The following SGMS1 variants were observed in gnomAD, a reference collection of about 807,000 sequenced individuals.
SGMS1 encodes the protein sphingomyelin synthase 1.
In SGMS1, 13 loss-of-function variants were observed where a neutral mutation model predicts 46.2. That is an observed-to-expected ratio of 0.28 (90% CI 0.18 to 0.45). The LOEUF is 0.45. Ranked by LOEUF, SGMS1 falls within the 20% of genes least tolerant of loss-of-function variation. SGMS1 has a pLI of 1.00. For synonymous variants in SGMS1, 203 were observed against 187.8 expected (o/e 1.08, Z -0.66); for missense variants, 324 against 519.9 (o/e 0.62, Z 3.66).
intron 2 of SGMS1, among the ~76,000 whole-genome samples, chr10:50,559,270 C>A (rs963357310): frequency 2.0e-5 from 3 of 152,206 alleles, no homozygotes; most frequent in African/African-American, 7.2e-5. Context: ...TAAGCAACAT[C>A]AGTATCCAAA....
chr10:50,440,239 C>T (rs1202735711), intron 5 of SGMS1, among the ~76,000 whole-genome samples: 1 of 151,554 alleles, frequency 6.6e-6, no homozygotes, highest in Non-Finnish European at 1.5e-5. Context: ...CTCCAGAACT[C>T]CTGTTACAGA....
At chr10:50,361,867 T>C (rs1288070456) in intron 6 of SGMS1, among the ~76,000 whole-genome samples, 1 of 152,200 alleles carries the variant, frequency 6.6e-6, no homozygotes, top group African/African-American at 2.4e-5. Flanking sequence ...ACACGGCCTA[T>C]TTATTTACCT....
At chr10:50,352,631 C>G (rs991075424) in intron 6 of SGMS1, among the ~76,000 whole-genome samples, 1 of 152,174 alleles carries the variant, frequency 6.6e-6, no homozygotes. Flanking sequence ...AAATCTCATA[C>G]ATAGCAAAGA....
At chr10:50,568,373 A>G (rs1838308305) in intron 2 of SGMS1, among the ~76,000 whole-genome samples, 1 of 152,176 alleles carries the variant, frequency 6.6e-6, no homozygotes. Flanking sequence ...GAAAGAACAA[A>G]ACAACATTAT....
intron 7 of SGMS1, 81 bp downstream of exon 7, chr10:50,343,411 A>C (rs1007761699): frequency 7.1e-7 from 1 of 1,416,806 alleles, no homozygotes; most frequent in African/African-American, 1.4e-5. Context: ...CAAGTTGATA[A>C]ATTTCATTTA....
chr10:50,556,642 G>A (rs1489364659), intron 2 of SGMS1, among the ~76,000 whole-genome samples: 1 of 152,206 alleles, frequency 6.6e-6, no homozygotes, highest in African/African-American at 2.4e-5. Context: ...GGCCCGCACA[G>A]ACGCAGCAAC....
chr10:50,533,715 A>G lies in SGMS1; in HGVS notation c.-588-13794T>C, dbSNP rs150549766. Among the ~76,000 whole-genome samples the G allele has an allele frequency of 4.4e-3, 668 of 152,232 alleles. 1 individual carries two copies. Among genetic ancestry groups the G allele is most frequent in the Non-Finnish European group, 7.8e-3 (531 of 68,008 alleles). The stretch of plus-strand genomic sequence containing the variant: ...TAATAATTTATTATTATGAAAGAGA[A>G]CATATATAAATCTATAAGGAAAACA... On this transcript the variant is annotated intron_variant, in intron 2 of 10. Transcript: ENST00000361781.
At chr10:50,384,828 G>C (rs1377445641) in intron 6 of SGMS1, among the ~76,000 whole-genome samples, 2 of 152,082 alleles carry the variant, frequency 1.3e-5, no homozygotes, top group African/African-American at 4.8e-5. Flanking sequence ...CCTTCACCCA[G>C]AGTCCTTTAT....
chr10:50,614,783 A>C (rs1838781654), intron 1 of SGMS1, among the ~76,000 whole-genome samples: 1 of 152,246 alleles, frequency 6.6e-6, no homozygotes, highest in Non-Finnish European at 1.5e-5. Flanking sequence ...AACAGTACCT[A>C]CTTCTGTTAT....
chr10:50,576,081 T>C (rs186035228), intron 2 of SGMS1, among the ~76,000 whole-genome samples: 1 of 152,042 alleles, frequency 6.6e-6, no homozygotes, highest in Admixed American at 6.5e-5. Context: ...CTACAGACAC[T>C]TTCCCAGCAA....
intron 6 of SGMS1, among the ~76,000 whole-genome samples, chr10:50,365,565 T>G (rs1418156137): frequency 1.1e-4 from 16 of 152,146 alleles, no homozygotes; most frequent in Non-Finnish European, 2.9e-5. Flanking sequence ...TTATTTGTCC[T>G]AATGCTCTCT....
chr10:50,398,587 G>T (rs1032867872), intron 6 of SGMS1, among the ~76,000 whole-genome samples: 2 of 152,074 alleles, frequency 1.3e-5, no homozygotes, highest in African/African-American at 4.8e-5. Flanking sequence ...GGAGGTTCTG[G>T]TAAGTTTTTG....
At chr10:50,623,440 T>C (rs1369682538) in intron 1 of SGMS1, 1 of 324,846 alleles carries the variant, frequency 3.1e-6, no homozygotes, top group Non-Finnish European at 4.4e-6. Context: ...CGCCCCAACT[T>C]AGCCGGGGAG....
chr10:50,333,174 C>T (rs556885398), intron 7 of SGMS1, among the ~76,000 whole-genome samples: 1 of 152,108 alleles, frequency 6.6e-6, no homozygotes, highest in African/African-American at 2.4e-5. Flanking sequence ...CACGTCTCAC[C>T]CCTTTTGTGA....
At chr10:50,553,866 T>C (rs1245389074) in intron 2 of SGMS1, among the ~76,000 whole-genome samples, 1 of 152,268 alleles carries the variant, frequency 6.6e-6, no homozygotes, top group Non-Finnish European at 1.5e-5. Context: ...AGATAGTTTT[T>C]ATCTTAATAT....
intron 6 of SGMS1, among the ~76,000 whole-genome samples, chr10:50,373,130 C>T (rs1000217854): frequency 2.0e-4 from 31 of 152,226 alleles, no homozygotes; most frequent in African/African-American, 7.2e-4. Context: ...ATAGGAAATA[C>T]AACCTAAACA....
intron 5 of SGMS1, among the ~76,000 whole-genome samples, chr10:50,458,561 G>A (rs913253452): frequency 6.6e-6 from 1 of 151,298 alleles, no homozygotes; most frequent in African/African-American, 2.4e-5. Flanking sequence ...GGGTTTCACC[G>A]TGTTAGCCAT....
At chr10:50,580,890 A>C (rs1435689426) in intron 2 of SGMS1, among the ~76,000 whole-genome samples, 1 of 152,194 alleles carries the variant, frequency 6.6e-6, no homozygotes, top group African/African-American at 2.4e-5. Flanking sequence ...ACACTTAAAA[A>C]CAGTAAAGAA....
intron 1 of SGMS1, among the ~76,000 whole-genome samples, chr10:50,591,414 A>T (rs1838539881): frequency 6.6e-6 from 1 of 152,144 alleles, no homozygotes; most frequent in Admixed American, 6.6e-5. Context: ...ACATCACACC[A>T]GGGAGGCAGC....
Sources: gnomAD v4.1 joint callset for allele counts (sites outside exome capture counted in the v4.1 genomes callset) on GRCh38, gnomAD v4.1.1 for gene constraint, MANE v1.5 for transcripts, NCBI Gene and HGNC (gene_info 2026-07-23, HGNC 2026-07-21) for gene names.